Variants in DLG5 observed in about 807,000 individuals in gnomAD.
DLG5 encodes the protein disks large homolog 5.
In DLG5, 48 loss-of-function variants were observed where a neutral mutation model predicts 189.8. The observed-to-expected ratio is 0.25, with a 90% CI of 0.20 to 0.32. The LOEUF (loss-of-function observed/expected upper bound fraction) is 0.32, where lower values mean the gene tolerates loss of function less well. Among genes scored for constraint, DLG5 ranks in the 10% least tolerant of loss-of-function variants. The probability of loss-of-function intolerance (pLI) is 1.00; values close to 1 mark genes in which losing one functional copy is unlikely to be tolerated. For synonymous variants in DLG5, 1,016 were observed against 1,054.1 expected, an observed-to-expected ratio of 0.96 and a Z score of 0.70; for missense variants, 2,160 against 2,544.7, an observed-to-expected ratio of 0.85 and a Z score of 3.25.
chr10:77,936,431 C>T, the DLG5 span, among the ~76,000 whole-genome samples: 3 of 125,574 alleles, frequency 2.4e-5, no homozygotes, highest in Admixed American at 8.8e-5. Flanking sequence ...AGCGAGACTC[C>T]GTCTCAAAAC....
chr10:77,819,838 C>T, intron 16 of DLG5, 57 bp downstream of exon 16: 1 of 1,505,166 alleles, frequency 6.6e-7, no homozygotes. Flanking sequence ...TCCCTGGAGA[C>T]TAGGCATCCC....
At chr10:77,906,065 A>T (rs1266945160) in intron 1 of DLG5, among the ~76,000 whole-genome samples, 2 of 152,216 alleles carry the variant, frequency 1.3e-5, no homozygotes, top group Admixed American at 6.5e-5. Flanking sequence ...GCAGGAATGG[A>T]CATCCAGCTC....
chr10:77,855,304 G>A (rs1844177823), intron 3 of DLG5, among the ~76,000 whole-genome samples: 1 of 152,220 alleles, frequency 6.6e-6, no homozygotes, highest in Non-Finnish European at 1.5e-5. Context: ...CCTAGCCCCA[G>A]CCCCAGCCCT....
intron 1 of DLG5, among the ~76,000 whole-genome samples, chr10:77,919,980 T>C (rs919546326): frequency 1.3e-5 from 2 of 152,204 alleles, no homozygotes; most frequent in Non-Finnish European, 2.9e-5. Flanking sequence ...TGACTATTCA[T>C]TCGTTCAACA....
chr10:77,936,838 G>T, the DLG5 span, among the ~76,000 whole-genome samples: 1 of 152,162 alleles, frequency 6.6e-6, no homozygotes, highest in Non-Finnish European at 1.5e-5. Flanking sequence ...CCTTCTTCCT[G>T]TTAAAACATT....
Position 77,791,343 on chromosome 10 carries a change from C to CA in DLG5, c.*1096dup, listed in dbSNP as rs878924621. On this transcript the variant is annotated 3_prime_UTR_variant, in exon 32 of 32. Transcript: ENST00000372391. ...CCAGACATATCTAGCCTCAGAAGTG[C>CA]AAAAAAAAAAAAAGCCCCCAAACGA... The CA allele has an allele frequency of 0.064, 7,888 of 122,824 alleles. 290 individuals are homozygous for CA. Among genetic ancestry groups the CA allele is most frequent in the East Asian group, 0.2 (897 of 4,432 alleles). 7.6% of individuals were successfully genotyped at this position (122,824 alleles called of 1,614,324 possible). A position where few individuals can be genotyped will look rare whatever the true frequency, so the allele number is the denominator to read the frequency against.
the DLG5 span, among the ~76,000 whole-genome samples, chr10:77,936,657 G>C: frequency 6.6e-6 from 1 of 152,092 alleles, no homozygotes. Flanking sequence ...CCAAGTTCTT[G>C]GCTAAGCCCT....
At chr10:77,797,062 C>G (rs935841451) in intron 27 of DLG5, among the ~76,000 whole-genome samples, 2 of 152,186 alleles carry the variant, frequency 1.3e-5, no homozygotes, top group African/African-American at 4.8e-5. Context: ...TCTGGCCATG[C>G]AGTTGAGGAT....
At chr10:77,808,861 G>A (rs1248626) in intron 24 of DLG5, among the ~76,000 whole-genome samples, 38,203 of 152,184 alleles carry the variant, frequency 0.25, 5,471 homozygotes, top group Admixed American at 0.39. Flanking sequence ...TTGGGAGGCC[G>A]AGGCGGGTGG....
Position 77,796,214 on chromosome 10 carries a change from G to A in DLG5, c.5309-26C>T. 1 of 1,613,810 alleles carries A rather than the reference G, an allele frequency of 6.2e-7. No individual in the cohort carries two copies. On this transcript the variant is annotated intron_variant, in intron 28 of 31. Coordinates refer to ENST00000372391, the MANE Select transcript of DLG5 (RefSeq NM_004747.4). The surrounding 1 kb of genome is among the most constrained non-coding windows in gnomAD (Gnocchi z 5.2). The stretch of plus-strand genomic sequence containing the variant: ...CTGCAATGCACAGACACAGGAATCA[G>A]GGAGCCCCAGGCCCTGCTGAGCCCC...
chr10:77,927,054 GC>G (rs1292586484), upstream of DLG5: 2 of 224,670 alleles, frequency 8.9e-6, no homozygotes, highest in Non-Finnish European at 8.8e-6. Flanking sequence ...GCTCACCGGG[GC>G]CCCGCGGCCG....
intron 3 of DLG5, among the ~76,000 whole-genome samples, chr10:77,854,762 G>A (rs1844150261): frequency 2.0e-5 from 3 of 152,060 alleles, no homozygotes; most frequent in Non-Finnish European, 2.9e-5. Flanking sequence ...GAGGCAGGTG[G>A]ATCACTTGAA....
chr10:77,802,453 C>A (rs1241162756), intron 27 of DLG5, among the ~76,000 whole-genome samples: 1 of 152,062 alleles, frequency 6.6e-6, no homozygotes, highest in Non-Finnish European at 1.5e-5. Flanking sequence ...AGTTGTTCAG[C>A]AGAAAGAAAA....
chr10:77,860,116 T>C (rs917905721), intron 2 of DLG5, among the ~76,000 whole-genome samples: 1 of 152,250 alleles, frequency 6.6e-6, no homozygotes, highest in Non-Finnish European at 1.5e-5. Context: ...AAGTGTGTAC[T>C]GATAACATCG....
intron 2 of DLG5, among the ~76,000 whole-genome samples, chr10:77,857,915 G>A (rs1844314829): frequency 6.6e-6 from 1 of 152,172 alleles, no homozygotes; most frequent in Non-Finnish European, 1.5e-5. Context: ...CGCACAAAGG[G>A]CATAGGACAT....
chr10:77,940,222 C>G, the DLG5 span, among the ~76,000 whole-genome samples: 5 of 152,290 alleles, frequency 3.3e-5, no homozygotes, highest in East Asian at 9.7e-4. Flanking sequence ...TGTCAACAGC[C>G]TCCAATCAGG....
chr10:77,855,959 T>C (rs1844209290), intron 3 of DLG5, among the ~76,000 whole-genome samples: 1 of 152,188 alleles, frequency 6.6e-6, no homozygotes, highest in African/African-American at 2.4e-5. Context: ...TGGGCCACCC[T>C]TCCCTGGTAT....
Position 77,792,412 on chromosome 10 carries a change from C to A in DLG5, c.*28G>T. ...GTCTGGTGTCCCCTCAGGCGGCCAG[C>A]TGCAGTCATCCACAGCACAGCATTC... On this transcript the variant is annotated 3_prime_UTR_variant, in exon 32 of 32. Coordinates refer to ENST00000372391, the MANE Select transcript of DLG5 (RefSeq NM_004747.4). 1 of 1,606,738 alleles carries A rather than the reference C, an allele frequency of 6.2e-7. No homozygotes were observed. The highest frequency in any genetic ancestry group is 8.5e-7 in the Non-Finnish European group (1 of 1,173,240).
At chr10:77,873,781 GCCC>G (rs1844998308) in intron 1 of DLG5, among the ~76,000 whole-genome samples, 1 of 152,138 alleles carries the variant, frequency 6.6e-6, no homozygotes, top group Non-Finnish European at 1.5e-5. Flanking sequence ...CTCCAGAAGG[GCCC>G]AGGCAGAAAG....
Sources: gnomAD v4.1 joint callset for allele counts (sites outside exome capture counted in the v4.1 genomes callset) on GRCh38, gnomAD v4.1.1 for gene constraint, Gnocchi (gnomAD v3.1) non-coding constraint, MANE v1.5 for transcripts, NCBI Gene and HGNC (gene_info 2026-07-23, HGNC 2026-07-21) for gene names.